The following KLF7 variants were observed in gnomAD, a reference collection of about 807,000 sequenced individuals.
The protein encoded by KLF7 is Krueppel-like factor 7.
A neutral mutation model predicts 27.3 loss-of-function variants in KLF7; 2 were observed. The ratio of observed to expected loss-of-function variants is 0.07; its 90% confidence interval spans 0.03 to 0.23. The LOEUF (loss-of-function observed/expected upper bound fraction) is 0.23. KLF7 is among the 10% of genes least tolerant of loss of function. The pLI, the probability that KLF7 is intolerant of heterozygous loss-of-function variation, is 1.00. For synonymous variants in KLF7, 165 were observed against 162.4 expected, an observed-to-expected ratio of 1.02 and a Z score of -0.12; for missense variants, 221 against 394.1, an observed-to-expected ratio of 0.56 and a Z score of 3.72.
At chr2:207,099,551 G>GATATATAT (rs59383415) in intron 2 of KLF7, among the ~76,000 whole-genome samples, 4,614 of 57,458 alleles carry the variant, frequency 0.08, 465 homozygotes, top group Middle Eastern at 0.21. Context: ...CTACATATGC[G>GATATATAT]ATATATATAT....
chr2:207,126,619 C>T (rs75945079), intron 1 of KLF7, among the ~76,000 whole-genome samples: 7,122 of 152,194 alleles, frequency 0.047, 249 homozygotes, highest in Non-Finnish European at 0.071. Context: ...GCCTGGGCAA[C>T]ACAAGACCCT....
upstream of KLF7, among the ~76,000 whole-genome samples, chr2:207,171,687 A>G (rs1278438720): frequency 2.0e-5 from 3 of 152,226 alleles, no homozygotes; most frequent in African/African-American, 7.2e-5. Flanking sequence ...ATAGTTACCA[A>G]TTTTTAGTAG....
chr2:207,121,793 G>C (rs1269198793), intron 2 of KLF7: 2 of 152,150 alleles, frequency 1.3e-5, no homozygotes, highest in Non-Finnish European at 2.9e-5. Context: ...AACCCTAACA[G>C]TCACCCTTCT....
At chr2:207,146,343 C>T (rs969024829) in intron 1 of KLF7, among the ~76,000 whole-genome samples, 2 of 152,170 alleles carry the variant, frequency 1.3e-5, no homozygotes, top group African/African-American at 4.8e-5. Context: ...GATCACTCCC[C>T]TCCCCTGAGG....
Position 207,081,065 on chromosome 2 carries a change from G to GTA in KLF7, c.*147_*148insTA. On this transcript the variant is annotated 3_prime_UTR_variant, in exon 4 of 4. Transcript: ENST00000309446. ...TGGGTCTGTGAGTGTGTGTATATGT[G>GTA]TGTGTGTGTGTGTGTGTGTACAGAG... 1.4e-6 allele frequency: 1 copy of GTA among 695,824 alleles called. No individual in the cohort carries two copies. The highest frequency in any genetic ancestry group is 2.6e-6 in the Non-Finnish European group (1 of 385,912). The allele number at this position is 695,824 out of a possible 1,614,324, so 43.1% of individuals were successfully genotyped here.
chr2:207,084,514 G>A (rs989346607), intron 3 of KLF7, among the ~76,000 whole-genome samples: 2 of 151,928 alleles, frequency 1.3e-5, no homozygotes, highest in Non-Finnish European at 2.9e-5. Flanking sequence ...AATCAAATGA[G>A]CATCATTATT....
At chr2:207,150,237 T>C (rs1195203180) in intron 1 of KLF7, among the ~76,000 whole-genome samples, 1 of 152,264 alleles carries the variant, frequency 6.6e-6, no homozygotes, top group Non-Finnish European at 1.5e-5. Context: ...TATACAATAC[T>C]GTATTCCACA....
At chr2:207,143,495 G>T (rs907123137) in intron 1 of KLF7, among the ~76,000 whole-genome samples, 1 of 151,856 alleles carries the variant, frequency 6.6e-6, no homozygotes, top group African/African-American at 2.4e-5. Context: ...CTGAAGGTTC[G>T]GAGTCTGGGT....
upstream of KLF7, among the ~76,000 whole-genome samples, chr2:207,168,438 T>TC (rs1373405460): frequency 6.6e-6 from 1 of 152,168 alleles, no homozygotes; most frequent in Non-Finnish European, 1.5e-5. Context: ...AGTAAGTTGG[T>TC]CAAGGTCTCA....
intron 2 of KLF7, among the ~76,000 whole-genome samples, chr2:207,115,034 T>C (rs990961876): frequency 5.9e-5 from 9 of 152,192 alleles, no homozygotes; most frequent in African/African-American, 1.7e-4. Context: ...AGCCTAAGTA[T>C]ATGTTTTATA....
chr2:207,104,142 C>T (rs1329306310), intron 2 of KLF7, among the ~76,000 whole-genome samples: 2 of 152,196 alleles, frequency 1.3e-5, no homozygotes, highest in East Asian at 3.9e-4. Flanking sequence ...AAACCCAATA[C>T]CACATGGAGA....
chr2:207,146,610 C>T (rs1215125572), intron 1 of KLF7, among the ~76,000 whole-genome samples: 1 of 152,132 alleles, frequency 6.6e-6, no homozygotes, highest in Admixed American at 6.5e-5. Flanking sequence ...TCTCCACTCC[C>T]ACAAGTAAGT....
intron 2 of KLF7, among the ~76,000 whole-genome samples, chr2:207,112,975 A>G (rs1203721603): frequency 1.3e-5 from 2 of 152,244 alleles, no homozygotes; most frequent in African/African-American, 4.8e-5. Flanking sequence ...AATAAAACCC[A>G]TAATAGGAAA....
intron 1 of KLF7, among the ~76,000 whole-genome samples, chr2:207,154,621 G>A (rs1415879209): frequency 3.3e-5 from 5 of 152,122 alleles, no homozygotes; most frequent in East Asian, 1.9e-4. Context: ...TTCAAGACAC[G>A]AAAGACACCA....
At position 207,129,322 on chromosome 2, in the gene KLF7, C is replaced by T. The variant is rs142924750; in HGVS notation, c.103-4918G>A. On this transcript the variant is annotated intron_variant, in intron 1 of 3. Coordinates refer to ENST00000309446, the MANE Select transcript of KLF7 (RefSeq NM_003709.4). ...TGGCACTCACCTCGGAGGTACAAGG[C>T]TTCCCTCAGCCTGACCTAACCATAC... Among the ~76,000 whole-genome samples, 88 of 152,340 alleles carry T rather than the reference C, an allele frequency of 5.8e-4. 1 individual carries two copies. Among genetic ancestry groups the T allele is most frequent in the African/African-American group, 1.9e-3 (77 of 41,570 alleles).
chr2:207,090,266 G>A (rs2076481154), intron 2 of KLF7, among the ~76,000 whole-genome samples: 5 of 152,182 alleles, frequency 3.3e-5, no homozygotes, highest in African/African-American at 1.2e-4. Flanking sequence ...ACTGAGCAGT[G>A]TTAAAAGTTC....
chr2:207,098,792 T>TG (rs2076690534), intron 2 of KLF7, among the ~76,000 whole-genome samples: 1 of 144,060 alleles, frequency 6.9e-6, no homozygotes, highest in African/African-American at 2.6e-5. Flanking sequence ...TTTTTTTTTT[T>TG]TTTTTTTTGT....
chr2:207,104,933 A>C (rs1223096264), intron 2 of KLF7, among the ~76,000 whole-genome samples: 1 of 152,238 alleles, frequency 6.6e-6, no homozygotes, highest in Non-Finnish European at 1.5e-5. Context: ...GAATCTACTG[A>C]GACAGGAAGC....
rs113701414 is a variant in KLF7 at position 207,088,517 on chromosome 2, G to A, written c.798C>T (p.Leu266=). The A allele has an allele frequency of 2.0e-3, 3,264 of 1,614,056 alleles. 69 individuals are homozygous for A. The African/African-American group carries it at 0.036, about 18-fold the overall frequency. Residue 266 remains leucine, a synonymous_variant, in exon 3 of 4, where the codon CTC becomes CTT. Transcript: ENST00000309446. ...CEWRFARSDE[L]TRHYRKHTGA... ...CTGTGTGTTTCCTGTAGTGCCTCGT[G>A]AGCTCATCGCTTCGTGCAAAACGCC...
Sources: allele counts gnomAD v4.1 joint callset (sites outside exome capture counted in the v4.1 genomes callset), GRCh38; gene constraint gnomAD v4.1.1; transcripts MANE v1.5; gene names NCBI Gene and HGNC (gene_info 2026-07-23, HGNC 2026-07-21).